The following ABCA4 variants were observed in gnomAD, a reference collection of about 807,000 sequenced individuals.
ABCA4 encodes the protein ATP binding cassette subfamily A member 4, also known as retinal-specific phospholipid-transporting ATPase ABCA4.
ABCA4 carries 196 observed loss-of-function variants against 263.7 expected under a neutral mutation model. That is an observed-to-expected ratio of 0.74 (90% confidence interval 0.66 to 0.84). The LOEUF (loss-of-function observed/expected upper bound fraction) is 0.84, where lower values mean the gene tolerates loss of function less well. Among genes scored for constraint, ABCA4 ranks in the 40% least tolerant of loss-of-function variants. The pLI is 0.00. For synonymous variants in ABCA4, 1,133 were observed against 1,094.2 expected (o/e 1.04, Z -0.70); for missense variants, 2,792 against 2,855.1 (o/e 0.98, Z 0.50).
chr1:94,120,886 T>TTCCCCCCCCCCCC, intron 1 of ABCA4, 94 bp downstream of exon 1: 1 of 155,290 alleles, frequency 6.4e-6, no homozygotes, highest in Non-Finnish European at 1.3e-5. Flanking sequence ...CCCCCCACCC[T>TTCCCCCCCCCCCC]GCCCCACCAC....
In ABCA4 at chr1:94,006,812, C is replaced by T. The variant is rs4147860; in HGVS notation, c.6005+822G>A. On this transcript the variant is annotated intron_variant, in intron 43 of 49. Coordinates refer to ENST00000370225, the MANE Select transcript of ABCA4 (RefSeq NM_000350.3). ...AGGCCCCAGTCAAGCAGATGCTGGA[C>T]AGATGTCAGCAGCACCTAACTCCAC... 1.1e-3 allele frequency among the ~76,000 whole-genome samples: 173 copies of T among 152,312 alleles called. 5 individuals carry two copies. In the East Asian group the frequency reaches 0.032, roughly 28 times the overall value.
intron 17 of ABCA4, 143 bp from the exon 18 acceptor site, chr1:94,049,100 T>G (rs942278975): frequency 1.4e-6 from 1 of 737,970 alleles, no homozygotes; most frequent in Non-Finnish European, 2.3e-6. Context: ...TACTCAAGCC[T>G]GATCACACAA....
chr1:94,057,547 A>G (rs1473886654), intron 14 of ABCA4, among the ~76,000 whole-genome samples: 1 of 152,106 alleles, frequency 6.6e-6, no homozygotes, highest in Non-Finnish European at 1.5e-5. Context: ...TCTATACTTG[A>G]TTTTCTGAGG....
In ABCA4 at chr1:94,007,669, T is replaced by TGTG; in HGVS notation, c.5967_5969dup (p.Thr1990dup). On this transcript the variant is annotated inframe_insertion, in exon 43 of 50. Coordinates refer to ENST00000370225, the MANE Select transcript of ABCA4 (RefSeq NM_000350.3). ...CTACGGTGGCATCCCCTGAGGTCAC[T>TGTG]GTGGTGTCCCCAGTGAGCATCTTGA... The TGTG allele has an allele frequency of 6.2e-7, 1 of 1,614,134 alleles. No individual in the cohort carries two copies. Among genetic ancestry groups the TGTG allele is most frequent in the African/African-American group, 1.3e-5 (1 of 75,048 alleles).
intron 43 of ABCA4, 53 bp from the exon 44 acceptor site, chr1:94,005,635 C>A: frequency 1.3e-6 from 2 of 1,584,356 alleles, no homozygotes; most frequent in Non-Finnish European, 1.7e-6. Context: ...GAGGGATGAC[C>A]ATAGAGCTAG....
chr1:94,048,136 G>A (rs1182959920), intron 18 of ABCA4, among the ~76,000 whole-genome samples: 1 of 152,196 alleles, frequency 6.6e-6, no homozygotes, highest in African/African-American at 2.4e-5. Flanking sequence ...TTTATGAAAT[G>A]GCCCCTGGGG....
At chr1:93,996,309 A>G in intron 48 of ABCA4, 114 bp from the exon 49 acceptor site, 1 of 843,930 alleles carries the variant, frequency 1.2e-6, no homozygotes. Context: ...CCCTGCTGGT[A>G]TGGCTTGTGT....
Position 94,015,810 on chromosome 1 carries a change from G to T in ABCA4, c.5241C>A (p.Ile1747=), listed in dbSNP as rs548431469. 3.1e-6 allele frequency: 5 copies of T among 1,613,910 alleles called. No homozygotes were observed. The highest frequency in any genetic ancestry group is 1.3e-5 in the African/African-American group (1 of 75,004). ...VSAGLVVGIF[I]GFQKKAYTSP... is the part of the protein sequence containing the mutation. ...AAGTGTAGGCTTTCTTCTGAAACCC[G>T]ATGAAGATGCCCACCACCAGCCCAG... The change falls in exon 37 of 50, where the codon ATC becomes ATA. Residue 1747 remains isoleucine, a synonymous_variant. Transcript: ENST00000370225.
intron 36 of ABCA4, chr1:94,019,252 G>T (rs1039255285): frequency 7.9e-6 from 2 of 251,788 alleles, no homozygotes; most frequent in Admixed American, 4.9e-5. Flanking sequence ...CCTTCTCAGC[G>T]CCAGACTGAT....
At chr1:94,017,591 AG>A (rs1659775327) in intron 36 of ABCA4, among the ~76,000 whole-genome samples, 1 of 152,188 alleles carries the variant, frequency 6.6e-6, no homozygotes, top group Non-Finnish European at 1.5e-5. Context: ...AATGGGCGAA[AG>A]AGGAGTGGGG....
In ABCA4 at chr1:94,068,191, GCGT is replaced by G. The variant is rs386633546; in HGVS notation, c.1555-4877_1555-4875del. Among the ~76,000 whole-genome samples, 102 of 152,324 alleles carry G rather than the reference GCGT, an allele frequency of 6.7e-4. 1 individual carries two copies. Among genetic ancestry groups the G allele is most frequent in the African/African-American group, 2.1e-3 (86 of 41,572 alleles). On this transcript the variant is annotated intron_variant, in intron 11 of 49. Transcript: ENST00000370225. Reference sequence around the variant, plus strand: ...GGTGGGCAGTAGGGGAGCTGAGAGGGCGTGGGGCCTCACACACTGATGCTTGCT... The same window carrying G: ...GGTGGGCAGTAGGGGAGCTGAGAGGGGGGGCCTCACACACTGATGCTTGCT...
At chr1:94,021,579 A>G in intron 34 of ABCA4, 61 bp downstream of exon 34, 1 of 1,536,298 alleles carries the variant, frequency 6.5e-7, no homozygotes, top group Non-Finnish European at 9.0e-7. Context: ...GAAAGTAAAA[A>G]TAAAATAACC....
chr1:94,060,534 T>A lies in ABCA4; in HGVS notation c.2160+3A>T. 6.2e-7 allele frequency: 1 copy of A among 1,613,322 alleles called. No individual in the cohort carries two copies. On this transcript the variant is annotated splice_donor_region_variant and intron_variant, in intron 14 of 49. Transcript: ENST00000370225. ...TTTTCTGGGCCTTCTCCATTTGGCT[T>A]ACCATGATGAATATCGTCAGGAGGA...
At chr1:94,055,404 GC>G in intron 15 of ABCA4, 89 bp from the exon 16 acceptor site, 1 of 1,294,840 alleles carries the variant, frequency 7.7e-7, no homozygotes, top group South Asian at 1.3e-5. Context: ...AGAGGGGAGG[GC>G]CAAAAGAGGG....
At chr1:94,024,897 T>C in intron 31 of ABCA4, 57 bp downstream of exon 31, 1 of 1,394,570 alleles carries the variant, frequency 7.2e-7, no homozygotes, top group South Asian at 1.2e-5. Flanking sequence ...CTTCTGTCCC[T>C]AGTTAATATC....
intron 1 of ABCA4, 54 bp from the exon 2 acceptor site, chr1:94,113,120 A>G: frequency 6.4e-7 from 1 of 1,558,442 alleles, no homozygotes; most frequent in South Asian, 1.1e-5. Flanking sequence ...GAGATTATAG[A>G]AAACGTAACC....
At chr1:94,100,106 G>A (rs1410822928) in intron 5 of ABCA4, among the ~76,000 whole-genome samples, 2 of 152,152 alleles carry the variant, frequency 1.3e-5, no homozygotes, top group African/African-American at 4.8e-5. Context: ...GGCAGAACAG[G>A]CCTGAGCTCT....
At position 94,030,985 on chromosome 1, in the gene ABCA4, A is replaced by G; in HGVS notation, c.4253+11T>C. 6.2e-7 allele frequency: 1 copy of G among 1,613,910 alleles called. No homozygotes were observed. The highest frequency in any genetic ancestry group is 8.5e-7 in the Non-Finnish European group (1 of 1,179,898). ...CCCACAGAGGAGAATGGTGACCCCGAGTCCGCGCACCTGAAGAAGGTGTAC... is the reference window on the plus strand; with the variant it reads ...CCCACAGAGGAGAATGGTGACCCCGGGTCCGCGCACCTGAAGAAGGTGTAC... On this transcript the variant is annotated intron_variant, in intron 28 of 49. Coordinates refer to ENST00000370225, the MANE Select transcript of ABCA4 (RefSeq NM_000350.3).
At chr1:94,058,351 T>C (rs1272616661) in intron 14 of ABCA4, among the ~76,000 whole-genome samples, 1 of 152,144 alleles carries the variant, frequency 6.6e-6, no homozygotes, top group Non-Finnish European at 1.5e-5. Flanking sequence ...AAGAATGAAA[T>C]CAATTTCTTT....
Sources: gnomAD v4.1 joint callset for allele counts (sites outside exome capture counted in the v4.1 genomes callset) on GRCh38, gnomAD v4.1.1 for gene constraint, MANE v1.5 for transcripts, NCBI Gene and HGNC (gene_info 2026-07-23, HGNC 2026-07-21) for gene names.